SPIDR: variants seen among roughly 807,000 people sequenced by gnomAD.
The protein encoded by SPIDR is scaffold protein involved in DNA repair.
Under a neutral mutation model 104.6 loss-of-function variants are expected in SPIDR, and 93 were observed. That is an observed-to-expected ratio of 0.89 (90% CI 0.75 to 1.06). SPIDR has a LOEUF of 1.06. Among genes scored for constraint, SPIDR ranks in the 50% least tolerant of loss-of-function variants. The pLI is 0.00. For missense variants in SPIDR, 1,154 were observed against 1,111.2 expected, an observed-to-expected ratio of 1.04 and a Z score of -0.55; for synonymous variants, 431 against 416.9, an observed-to-expected ratio of 1.03 and a Z score of -0.41.
At chr8:47,628,807 A>G (rs1157379565) in intron 10 of SPIDR, among the ~76,000 whole-genome samples, 1 of 152,216 alleles carries the variant, frequency 6.6e-6, no homozygotes, top group East Asian at 1.9e-4. Flanking sequence ...AAAACATCGA[A>G]TGGAGAATGT....
At chr8:47,521,448 T>C (rs1328746271) in intron 8 of SPIDR, among the ~76,000 whole-genome samples, 1 of 151,646 alleles carries the variant, frequency 6.6e-6, no homozygotes, top group African/African-American at 2.4e-5. Flanking sequence ...TTCTTTTTTT[T>C]TTTTTTGAGA....
intron 4 of SPIDR, among the ~76,000 whole-genome samples, chr8:47,291,989 C>T (rs916756660): frequency 2.0e-5 from 3 of 152,068 alleles, no homozygotes; most frequent in Non-Finnish European, 4.4e-5. Context: ...TCTGCCGTGT[C>T]CCTTGCCTTT....
Position 47,293,086 on chromosome 8 carries a change from C to T in SPIDR, c.362-781C>T, listed in dbSNP as rs1586460454. Among the ~76,000 whole-genome samples the T allele has an allele frequency of 3.3e-5, 5 of 151,586 alleles. No homozygotes were observed. In the South Asian group the frequency reaches 1.0e-3, roughly 32 times the overall value. On this transcript the variant is annotated intron_variant, in intron 4 of 19. Transcript: ENST00000297423. The stretch of plus-strand genomic sequence containing the variant: ...GGAAGCCGTTGCCATTATGCATCTG[C>T]TTCTCTCAGTGGTGGTCTGACCTTC...
intron 5 of SPIDR, among the ~76,000 whole-genome samples, chr8:47,391,259 C>T (rs201384417): frequency 2.0e-5 from 3 of 152,000 alleles, no homozygotes; most frequent in East Asian, 1.9e-4. Context: ...CTACATGGGC[C>T]GGGTGCAGCA....
At chr8:47,547,962 T>G (rs2089733651) in intron 8 of SPIDR, 1 of 155,692 alleles carries the variant, frequency 6.4e-6, no homozygotes, top group Non-Finnish European at 1.5e-5. Context: ...ATATATGCAT[T>G]TAGCCCTATA....
At chr8:47,284,858 C>G (rs2038510305) in intron 3 of SPIDR, among the ~76,000 whole-genome samples, 1 of 152,166 alleles carries the variant, frequency 6.6e-6, no homozygotes, top group South Asian at 2.1e-4. Context: ...TATGTTGCTG[C>G]TAAAGAAAAC....
intron 10 of SPIDR, among the ~76,000 whole-genome samples, chr8:47,640,841 CTTTTTT>C (rs57405701): frequency 2.4e-5 from 1 of 41,302 alleles, no homozygotes; most frequent in African/African-American, 1.1e-4. Flanking sequence ...CCACACCCAG[CTTTTTT>C]TTTTTTTTTT....
chr8:47,387,223 A>G (rs1452109215), intron 5 of SPIDR, among the ~76,000 whole-genome samples: 2 of 152,212 alleles, frequency 1.3e-5, no homozygotes, highest in Non-Finnish European at 2.9e-5. Flanking sequence ...AGCAGCGAGG[A>G]GGCAGACAGC....
At chr8:47,708,048 C>G (rs1433544511) in intron 14 of SPIDR, among the ~76,000 whole-genome samples, 1 of 152,188 alleles carries the variant, frequency 6.6e-6, no homozygotes, top group Non-Finnish European at 1.5e-5. Context: ...GCCTGTAATC[C>G]CAGCACTTTG....
In SPIDR at chr8:47,531,309, C is replaced by T. The variant is rs181275656; in HGVS notation, c.1098-64502C>T. On this transcript the variant is annotated intron_variant, in intron 8 of 19. Coordinates refer to ENST00000297423, the MANE Select transcript of SPIDR (RefSeq NM_001080394.4). ...CTGTCTTCTACCTCTACAACTTGTC[C>T]CACTGGCTGGCCTTCATGGGCAGTA... 1.1e-3 allele frequency among the ~76,000 whole-genome samples: 169 copies of T among 152,248 alleles called. 2 individuals carry two copies. The highest frequency in any genetic ancestry group is 0.011 in the Admixed American group (168 of 15,280).
intron 11 of SPIDR, among the ~76,000 whole-genome samples, chr8:47,687,620 T>C (rs567461081): frequency 6.6e-6 from 1 of 152,300 alleles, no homozygotes; most frequent in South Asian, 2.1e-4. Context: ...TAAATAAAGC[T>C]CACTCATTAA....
At chr8:47,502,223 C>T (rs917272171) in intron 8 of SPIDR, among the ~76,000 whole-genome samples, 1 of 152,188 alleles carries the variant, frequency 6.6e-6, no homozygotes, top group African/African-American at 2.4e-5. Flanking sequence ...ATGGTACCAG[C>T]TCCTCCTTGT....
At chr8:47,475,672 C>T (rs1554723375) in intron 8 of SPIDR, among the ~76,000 whole-genome samples, 1 of 152,084 alleles carries the variant, frequency 6.6e-6, no homozygotes, top group Non-Finnish European at 1.5e-5. Context: ...CCTTTTATGT[C>T]ACTTGGAGAA....
intron 5 of SPIDR, among the ~76,000 whole-genome samples, chr8:47,345,301 T>C (rs907912938): frequency 3.0e-4 from 45 of 152,226 alleles, no homozygotes; most frequent in Admixed American, 2.9e-3. Context: ...CTGAGGGCTC[T>C]GTTTTGTTCC....
At chr8:47,329,836 T>G (rs1587079107) in intron 5 of SPIDR, among the ~76,000 whole-genome samples, 1 of 152,210 alleles carries the variant, frequency 6.6e-6, no homozygotes, top group African/African-American at 2.4e-5. Context: ...TCTGGTGGTG[T>G]TTCCTTAGTT....
chr8:47,445,428 C>T (rs1278912590), intron 8 of SPIDR, among the ~76,000 whole-genome samples: 5 of 152,162 alleles, frequency 3.3e-5, no homozygotes, highest in Admixed American at 1.3e-4. Context: ...CTCCATTGAC[C>T]GGATGTTCCC....
intron 8 of SPIDR, among the ~76,000 whole-genome samples, chr8:47,565,255 A>G (rs1055299292): frequency 1.3e-5 from 2 of 152,164 alleles, no homozygotes; most frequent in Non-Finnish European, 2.9e-5. Flanking sequence ...TCAAAAAGAA[A>G]GAGGAGAAGA....
At chr8:47,338,424 A>C (rs1252120839) in intron 5 of SPIDR, among the ~76,000 whole-genome samples, 5 of 152,230 alleles carry the variant, frequency 3.3e-5, no homozygotes, top group Non-Finnish European at 1.5e-5. Flanking sequence ...CAGCATCATT[A>C]GTAATGATTG....
intron 8 of SPIDR, among the ~76,000 whole-genome samples, chr8:47,558,931 A>G (rs2154400580): frequency 6.6e-6 from 1 of 152,252 alleles, no homozygotes; most frequent in East Asian, 1.9e-4. Flanking sequence ...GAGCCACCGC[A>G]CCAGCCCAGC....
Sources: allele counts gnomAD v4.1 joint callset (sites outside exome capture counted in the v4.1 genomes callset), GRCh38; gene constraint gnomAD v4.1.1; transcripts MANE v1.5; gene names NCBI Gene and HGNC (gene_info 2026-07-23, HGNC 2026-07-21).